Variants in IFT140 observed in about 807,000 individuals in gnomAD.
IFT140 encodes the protein intraflagellar transport protein 140 homolog.
A neutral mutation model predicts 164.6 loss-of-function variants in IFT140; 133 were observed. The observed-to-expected ratio is 0.81, with a 90% CI of 0.70 to 0.93. The LOEUF is 0.93. Among genes scored for constraint, IFT140 ranks in the 40% least tolerant of loss-of-function variants. IFT140 has a pLI of 0.00. For missense variants in IFT140, 2,045 were observed against 1,972.3 expected, an observed-to-expected ratio of 1.04 and a Z score of -0.70; for synonymous variants, 860 against 817.3, an observed-to-expected ratio of 1.05 and a Z score of -0.89.
At chr16:1,525,593 G>T (rs899763910) in intron 21 of IFT140, among the ~76,000 whole-genome samples, 1 of 152,202 alleles carries the variant, frequency 6.6e-6, no homozygotes, top group African/African-American at 2.4e-5. Flanking sequence ...GGGTGACATG[G>T]GGTTTGTCTG....
Position 1,526,043 on chromosome 16 carries a change from C to G in IFT140, c.2612G>C (p.Arg871Pro). 6.3e-7 allele frequency: 1 copy of G among 1,599,642 alleles called. No individual in the cohort carries two copies. Among genetic ancestry groups the G allele is most frequent in the Non-Finnish European group, 8.5e-7 (1 of 1,173,528 alleles). The change falls in exon 21 of 31, where the codon CGC becomes CCC. Residue 871 changes from arginine (R) to proline (P), a missense_variant. Coordinates refer to ENST00000426508, the MANE Select transcript of IFT140 (RefSeq NM_014714.4). ...DAEQLYRKCK[R>P]HDLLNKFYQA... ...GTAGAACTTGTTCAGGAGGTCGTGG[C>G]GCTTGCACTTCCTGTACAGCTGCTC... is the stretch of plus-strand genomic sequence containing the variant.
At chr16:1,528,415 G>A (rs746983119) in intron 19 of IFT140, among the ~76,000 whole-genome samples, 17 of 131,574 alleles carry the variant, frequency 1.3e-4, no homozygotes, top group South Asian at 7.2e-4. Context: ...ACACATGGAC[G>A]CACATGCACA....
chr16:1,533,126 C>G lies in IFT140; in HGVS notation c.2400-6330G>C, dbSNP rs1458329756. On this transcript the variant is annotated intron_variant, in intron 19 of 30. Transcript: ENST00000426508. This position sits in a 1 kb window ranked among gnomAD's most constrained non-coding sequence, Gnocchi z 4.7. ...GCCCCAAGGCCCTCCAAGTACAGGT[C>G]CCTGGCCCCGAGGTCCTCCAAGTAC... 6.6e-6 allele frequency: 1 copy of G among 150,792 alleles called. No individual in the cohort carries two copies. Among genetic ancestry groups the G allele is most frequent in the Non-Finnish European group, 1.5e-5 (1 of 68,330 alleles). 9.3% of individuals were successfully genotyped at this position (150,792 alleles called of 1,614,324 possible). A position where few individuals can be genotyped will look rare whatever the true frequency, so the allele number is the denominator to read the frequency against.
In IFT140 at chr16:1,523,596, G is replaced by A. The variant is rs1478734815; in HGVS notation, c.3375C>T (p.Leu1125=). 1.9e-6 allele frequency: 3 copies of A among 1,613,878 alleles called. No homozygotes were observed. Among genetic ancestry groups the A allele is most frequent in the South Asian group, 1.1e-5 (1 of 91,084 alleles). ...TGAAGAAGTCGGAGCAGCGGGCCAG[G>A]AGCGCAGGGTCTGACGTCTCATCCA... ...EDLDETSDPA[L]LARCSDFFIE... Residue 1125 remains leucine (L), a synonymous_variant, in exon 26 of 31, where the codon CTC becomes CTT. Transcript: ENST00000426508.
rs748716681 is a variant in IFT140 at position 1,552,933 on chromosome 16, G to A, written c.2399+5002C>T. 4.0e-5 allele frequency: 39 copies of A among 981,998 alleles called. No homozygotes were observed. In the East Asian group the frequency reaches 4.6e-4, roughly 11 times the overall value. 60.8% of individuals were successfully genotyped at this position (981,998 alleles called of 1,614,324 possible). ...CTCCCAAAGTGCTGCGATTATAGGC[G>A]TAAACCACTGTGCCTTGTCTAGAAT... On this transcript the variant is annotated intron_variant, in intron 19 of 30. Transcript: ENST00000426508.
chr16:1,588,629 G>A (rs1171727966), intron 7 of IFT140, among the ~76,000 whole-genome samples: 1 of 152,124 alleles, frequency 6.6e-6, no homozygotes, highest in African/African-American at 2.4e-5. Flanking sequence ...AAGTTGAGCT[G>A]GTGCTCCCTG....
chr16:1,569,456 C>T lies in IFT140; in HGVS notation c.1653-1122G>A, dbSNP rs561409029. Among the ~76,000 whole-genome samples the T allele has an allele frequency of 1.4e-4, 21 of 147,096 alleles. No individual in the cohort carries two copies. In the East Asian group the frequency reaches 4.2e-3, roughly 30 times the overall value. On this transcript the variant is annotated intron_variant, in intron 14 of 30. Coordinates refer to ENST00000426508, the MANE Select transcript of IFT140 (RefSeq NM_014714.4). ...CCTCCCTCCCTCTTCCCTTCCCTCCCCTCCCTTCCCTTCTCTCCTTCCTTC... is the reference window on the plus strand; with the variant it reads ...CCTCCCTCCCTCTTCCCTTCCCTCCTCTCCCTTCCCTTCTCTCCTTCCTTC...
intron 10 of IFT140, 85 bp from the exon 11 acceptor site, chr16:1,584,505 G>T (rs540066654): frequency 1.9e-6 from 2 of 1,046,208 alleles, no homozygotes; most frequent in Non-Finnish European, 2.8e-6. Context: ...TTACACACAC[G>T]AGAACTCAGA....
intron 4 of IFT140, among the ~76,000 whole-genome samples, chr16:1,601,279 A>G (rs570117668): frequency 4.9e-4 from 75 of 151,678 alleles, no homozygotes; most frequent in African/African-American, 1.8e-3. Context: ...AAAAAAAAAA[A>G]GAGAGAGACT....
chr16:1,554,859 A>G, intron 19 of IFT140: 2 of 1,614,212 alleles, frequency 1.2e-6, no homozygotes, highest in Non-Finnish European at 1.7e-6. Flanking sequence ...CTGCTACCTG[A>G]ACATTGGCGC....
At chr16:1,571,630 T>A in intron 13 of IFT140, 96 bp from the exon 14 acceptor site, 1 of 1,274,388 alleles carries the variant, frequency 7.8e-7, no homozygotes, top group South Asian at 1.4e-5. Flanking sequence ...ATATATTTCA[T>A]GTGAGTTACT....
rs1466360910 is a variant in IFT140, at chr16:1,568,345, GA to G, written c.1653-12del. The stretch of plus-strand genomic sequence containing the variant: ...TGTGCTTTGGCCTCTCTGCAGGGAG[GA>G]AGAGGGACCTCAGTGCCCGCCAGAG... On this transcript the variant is annotated splice_polypyrimidine_tract_variant and intron_variant, in intron 14 of 30. Transcript: ENST00000426508. 6.2e-7 allele frequency: 1 copy of G among 1,608,008 alleles called. No individual in the cohort carries two copies. Among genetic ancestry groups the G allele is most frequent in the Non-Finnish European group, 8.5e-7 (1 of 1,175,294 alleles).
intron 26 of IFT140, among the ~76,000 whole-genome samples, chr16:1,521,608 G>T (rs1298210650): frequency 6.7e-6 from 1 of 149,518 alleles, no homozygotes; most frequent in Non-Finnish European, 1.5e-5. Flanking sequence ...GTCAGGCTGG[G>T]CTCAAACTCC....
chr16:1,592,823 A>G (rs2035256707), intron 4 of IFT140, among the ~76,000 whole-genome samples: 1 of 146,506 alleles, frequency 6.8e-6, no homozygotes, highest in Admixed American at 6.8e-5. Flanking sequence ...CCTCCCCATG[A>G]AGGCTGGCAA....
chr16:1,537,361 T>TG (rs913413196), intron 19 of IFT140, among the ~76,000 whole-genome samples: 86 of 152,290 alleles, frequency 5.6e-4, no homozygotes, highest in African/African-American at 2.0e-3. Context: ...ATGGGGCACA[T>TG]GGAGTCAAAA....
intron 7 of IFT140, 60 bp from the exon 8 acceptor site, chr16:1,588,084 T>C: frequency 7.0e-7 from 1 of 1,438,480 alleles, no homozygotes; most frequent in Non-Finnish European, 9.7e-7. Flanking sequence ...TGTCCCGGCT[T>C]CAGGAGCCTG....
intron 18 of IFT140, among the ~76,000 whole-genome samples, chr16:1,558,467 T>C (rs977454807): frequency 1.1e-4 from 17 of 152,234 alleles, no homozygotes; most frequent in African/African-American, 3.9e-4. Context: ...CTGTGTACCC[T>C]CTACGGGTAT....
intron 12 of IFT140, among the ~76,000 whole-genome samples, chr16:1,581,169 C>A (rs2034538829): frequency 6.6e-6 from 1 of 152,230 alleles, no homozygotes; most frequent in African/African-American, 2.4e-5. Context: ...TGACAACACA[C>A]CCAGTTAAGC....
At chr16:1,582,490 C>A (rs1018871679) in intron 12 of IFT140, among the ~76,000 whole-genome samples, 1 of 152,362 alleles carries the variant, frequency 6.6e-6, no homozygotes, top group African/African-American at 2.4e-5. Flanking sequence ...GGACCTCTGG[C>A]CTCCAGAACT....
Sources: allele counts gnomAD v4.1 joint callset (sites outside exome capture counted in the v4.1 genomes callset), GRCh38; gene constraint gnomAD v4.1.1; non-coding constraint Gnocchi (gnomAD v3.1); transcripts MANE v1.5; gene names NCBI Gene and HGNC (gene_info 2026-07-23, HGNC 2026-07-21).